SLC35F5: variants seen among roughly 807,000 people sequenced by gnomAD.
The protein encoded by SLC35F5 is solute carrier family 35 member F5.
SLC35F5 carries 54 observed loss-of-function variants against 68.6 expected under a neutral mutation model. The ratio of observed to expected loss-of-function variants is 0.79; its 90% CI spans 0.63 to 0.99. SLC35F5 has a LOEUF of 0.99. Ranked by LOEUF, SLC35F5 falls within the 50% of genes least tolerant of loss-of-function variation. SLC35F5 has a pLI of 0.00. For synonymous variants in SLC35F5, 211 were observed against 205.2 expected (o/e 1.03, Z -0.24); for missense variants, 567 against 626.9 (o/e 0.90, Z 1.02).
chr2:113,745,537 G>A (rs1330030636), intron 5 of SLC35F5, among the ~76,000 whole-genome samples: 1 of 152,164 alleles, frequency 6.6e-6, no homozygotes, highest in African/African-American at 2.4e-5. Context: ...AAAATAAAAA[G>A]TTAGTGGTGG....
intron 13 of SLC35F5, among the ~76,000 whole-genome samples, chr2:113,721,913 T>C (rs1313555815): frequency 6.6e-6 from 1 of 151,012 alleles, no homozygotes; most frequent in Non-Finnish European, 1.5e-5. Flanking sequence ...TAAATATCAG[T>C]AAAGAATTAT....
chr2:113,735,215 T>C (rs1441329810), intron 8 of SLC35F5, among the ~76,000 whole-genome samples: 2 of 152,216 alleles, frequency 1.3e-5, no homozygotes, highest in South Asian at 2.1e-4. Flanking sequence ...TATGTTGTTA[T>C]ATAAAAAATA....
At chr2:113,716,954 T>C (rs1185320202) in intron 15 of SLC35F5, among the ~76,000 whole-genome samples, 1 of 152,226 alleles carries the variant, frequency 6.6e-6, no homozygotes, top group Non-Finnish European at 1.5e-5. Flanking sequence ...TGACAGGAGT[T>C]GTACAATGTT....
chr2:113,731,492 C>T, intron 10 of SLC35F5, 92 bp downstream of exon 10: 1 of 909,972 alleles, frequency 1.1e-6, no homozygotes. Flanking sequence ...CCTGCTAGTG[C>T]CTACCCTTTG....
At chr2:113,717,904 C>A in intron 14 of SLC35F5, 54 bp from the exon 15 acceptor site, 1 of 1,292,018 alleles carries the variant, frequency 7.7e-7, no homozygotes, top group Admixed American at 1.9e-5. Context: ...GAAAAGGAAC[C>A]TCAAACCTTA....
intron 10 of SLC35F5, among the ~76,000 whole-genome samples, chr2:113,731,160 C>G (rs1488856017): frequency 2.0e-5 from 3 of 151,996 alleles, no homozygotes; most frequent in Non-Finnish European, 2.9e-5. Flanking sequence ...AGGTGGTACC[C>G]TACAAAAGTG....
At position 113,711,301 on chromosome 2, in the gene SLC35F5, T is replaced by C. The variant is rs947099821; in HGVS notation, c.*3917A>G. On this transcript the variant is annotated 3_prime_UTR_variant, in exon 16 of 16. Transcript: ENST00000245680. ...TTTTCCTTAAATATATTTCAATGAT[T>C]TCATTGTTTGACATTTTCATAGTTA... Among the ~76,000 whole-genome samples the C allele has an allele frequency of 7.2e-5, 11 of 152,236 alleles. No individual in the cohort carries two copies. The highest frequency in any genetic ancestry group is 3.3e-4 in the Admixed American group (5 of 15,288).
At chr2:113,742,582 T>C in intron 7 of SLC35F5, 110 bp downstream of exon 7, 1 of 1,113,120 alleles carries the variant, frequency 9.0e-7, no homozygotes, top group East Asian at 2.4e-5. Flanking sequence ...TTTAAAGTCA[T>C]GATTAAACAA....
At position 113,710,652 on chromosome 2, in the gene SLC35F5, A is replaced by G. The variant is rs994268906; in HGVS notation, c.*4566T>C. Among the ~76,000 whole-genome samples the G allele has an allele frequency of 6.6e-6, 1 of 152,112 alleles. No individual in the cohort carries two copies. The highest frequency in any genetic ancestry group is 2.4e-5 in the African/African-American group (1 of 41,414). On this transcript the variant is annotated 3_prime_UTR_variant, in exon 16 of 16. Coordinates refer to ENST00000245680, the MANE Select transcript of SLC35F5 (RefSeq NM_025181.5). Reference sequence around the variant, plus strand: ...CTAATCAGGAATGGGGGCACATGCCAGTAGTCCCAACTACTCAGGAGACTG... The same window carrying G: ...CTAATCAGGAATGGGGGCACATGCCGGTAGTCCCAACTACTCAGGAGACTG...
chr2:113,742,433 C>A (rs1676313096), intron 7 of SLC35F5: 2 of 497,950 alleles, frequency 4.0e-6, no homozygotes, highest in South Asian at 3.8e-5. Context: ...AACTTCCCAA[C>A]CTGTGTGTGT....
chr2:113,734,824 T>A, intron 8 of SLC35F5, 151 bp from the exon 9 acceptor site: 1 of 600,670 alleles, frequency 1.7e-6, no homozygotes, highest in South Asian at 2.1e-5. Context: ...TGCAGTTAAG[T>A]AATGACTAGA....
intron 1 of SLC35F5, 133 bp downstream of exon 1, chr2:113,756,237 C>T: frequency 2.6e-6 from 4 of 1,528,576 alleles, no homozygotes; most frequent in Non-Finnish European, 3.5e-6. Flanking sequence ...CCCGCTCCCT[C>T]CGCCCCTAGA....
chr2:113,750,707 A>T, intron 3 of SLC35F5, 139 bp from the exon 4 acceptor site: 1 of 696,912 alleles, frequency 1.4e-6, no homozygotes, highest in Non-Finnish European at 2.2e-6. Context: ...TTACAAAAGT[A>T]TTTTAGATCC....
intron 11 of SLC35F5, 87 bp from the exon 12 acceptor site, chr2:113,725,624 G>A: frequency 8.0e-7 from 1 of 1,245,008 alleles, no homozygotes; most frequent in Non-Finnish European, 1.1e-6. Flanking sequence ...ATTAGATTTT[G>A]CACAAAAGCA....
At position 113,756,569 on chromosome 2, in the gene SLC35F5, G is replaced by C. The variant is rs899691301; in HGVS notation, c.-160C>G. 8.3e-6 allele frequency: 12 copies of C among 1,437,784 alleles called. 1 individual carries two copies. The South Asian group carries it at 1.6e-4, about 19-fold the overall frequency. The allele number at this position is 1,437,784 out of a possible 1,614,324, so 89.1% of individuals were successfully genotyped here. A position where few individuals can be genotyped will look rare whatever the true frequency, so the allele number is the denominator to read the frequency against. ...CTCCCGACACCACCCAACTCCACTC[G>C]GCCCAGGAGGGCGTGGAGCGGGTGA... On this transcript the variant is annotated 5_prime_UTR_variant, in exon 1 of 16. Coordinates refer to ENST00000245680, the MANE Select transcript of SLC35F5 (RefSeq NM_025181.5).
rs1677005651 is a variant in SLC35F5, at chr2:113,756,602, G to A, written c.-193C>T. On this transcript the variant is annotated 5_prime_UTR_variant, in exon 1 of 16. Transcript: ENST00000245680. ...AGGGCGTGGAGCGGGTGAGGGGAAG[G>A]GACGGCACAGTCAGCTATGGCCGCG... is the stretch of plus-strand genomic sequence containing the variant. 3 of 1,389,798 alleles carry A rather than the reference G, an allele frequency of 2.2e-6. No homozygotes were observed. In the South Asian group the frequency reaches 4.5e-5, roughly 21 times the overall value. 86.1% of individuals were successfully genotyped at this position (1,389,798 alleles called of 1,614,324 possible).
rs1178177321 is a variant in SLC35F5 at position 113,719,277 on chromosome 2, G to C, written c.1373C>G (p.Ala458Gly). ...VQFSWLFFAG[A>G]IPVFFSFFIV... is the part of the protein sequence containing the mutation. ...AAAAAATGAAAAAAATACAGGGATA[G>C]CTCCTGCAAAAAATAACCAAGAAAA... The change falls in exon 14 of 16, where the codon GCT becomes GGT. Residue 458 changes from alanine to glycine, a missense_variant. Coordinates refer to ENST00000245680, the MANE Select transcript of SLC35F5 (RefSeq NM_025181.5). The C allele has an allele frequency of 6.4e-7, 1 of 1,570,678 alleles. No homozygotes were observed. Among genetic ancestry groups the C allele is most frequent in the Non-Finnish European group, 8.5e-7 (1 of 1,170,032 alleles).
At chr2:113,751,337 C>G (rs1168358545) in intron 3 of SLC35F5, among the ~76,000 whole-genome samples, 1 of 152,092 alleles carries the variant, frequency 6.6e-6, no homozygotes, top group African/African-American at 2.4e-5. Context: ...CCAAGGGAGA[C>G]TGTTTTTTTG....
At chr2:113,751,653 T>C (rs1475221948) in intron 3 of SLC35F5, among the ~76,000 whole-genome samples, 1 of 151,316 alleles carries the variant, frequency 6.6e-6, no homozygotes, top group Non-Finnish European at 1.5e-5. Flanking sequence ...CTACAAAAAA[T>C]ACAAAAATTT....
Sources: gnomAD v4.1 joint callset for allele counts (sites outside exome capture counted in the v4.1 genomes callset) on GRCh38, gnomAD v4.1.1 for gene constraint, MANE v1.5 for transcripts, NCBI Gene and HGNC (gene_info 2026-07-23, HGNC 2026-07-21) for gene names.